HS6ST3: variants seen among roughly 807,000 people sequenced by gnomAD.
HS6ST3 encodes heparan-sulfate 6-O-sulfotransferase 3.
Under a neutral mutation model 36.7 loss-of-function variants are expected in HS6ST3, and 12 were observed. The observed-to-expected ratio is 0.33, with a 90% CI of 0.21 to 0.53. HS6ST3 has a LOEUF of 0.53. Ranked by LOEUF, HS6ST3 falls within the 20% of genes least tolerant of loss-of-function variation. The pLI is 0.95. For missense variants in HS6ST3, 584 were observed against 640.9 expected (o/e 0.91, Z 0.96); for synonymous variants, 240 against 257.5 (o/e 0.93, Z 0.65).
At chr13:96,193,593 T>C (rs111874102) in intron 1 of HS6ST3, among the ~76,000 whole-genome samples, 1,776 of 152,106 alleles carry the variant, frequency 0.012, 37 homozygotes, top group African/African-American at 0.041. Context: ...ATATTTAGGG[T>C]GATACTGATT....
intron 1 of HS6ST3, among the ~76,000 whole-genome samples, chr13:96,213,550 G>A (rs2054409424): frequency 6.7e-6 from 1 of 149,544 alleles, no homozygotes. Flanking sequence ...TTTTTTAGAT[G>A]GAATCTTGTT....
chr13:96,275,041 G>A (rs1400407061), intron 1 of HS6ST3, among the ~76,000 whole-genome samples: 4 of 151,972 alleles, frequency 2.6e-5, no homozygotes, highest in South Asian at 2.1e-4. Flanking sequence ...CATTTTCAGC[G>A]TAAATCTTGG....
chr13:96,490,784 A>G (rs80064315), intron 1 of HS6ST3, among the ~76,000 whole-genome samples: 2 of 152,332 alleles, frequency 1.3e-5, no homozygotes, highest in African/African-American at 4.8e-5. Context: ...GCAGGGTAGT[A>G]GGCAAACTTG....
At chr13:96,419,605 A>G (rs1199862188) in intron 1 of HS6ST3, among the ~76,000 whole-genome samples, 2 of 152,218 alleles carry the variant, frequency 1.3e-5, no homozygotes, top group African/African-American at 4.8e-5. Context: ...TGGGTGGCCT[A>G]AAACAACAGT....
At position 96,832,884 on chromosome 13, in the gene HS6ST3, T is replaced by G; in HGVS notation, c.1102T>G (p.Phe368Val). The part of the protein sequence containing the change: ...RKTQFLFERT[F>V]NLKFISPFTQ... The stretch of plus-strand genomic sequence containing the variant: ...GACACAGTTTCTCTTTGAGAGAACA[T>G]TCAACCTCAAGTTCATCTCCCCCTT... The change falls in exon 2 of 2, where the codon TTC becomes GTC. Residue 368 changes from phenylalanine to valine, a missense_variant. Phe to Val is a conservative substitution (Grantham distance 50). Transcript: ENST00000376705. The G allele has an allele frequency of 6.2e-7, 1 of 1,614,182 alleles. No individual in the cohort carries two copies. Among genetic ancestry groups the G allele is most frequent in the Non-Finnish European group, 8.5e-7 (1 of 1,180,028 alleles).
intron 1 of HS6ST3, among the ~76,000 whole-genome samples, chr13:96,291,844 C>A (rs75026304): frequency 6.6e-6 from 1 of 152,238 alleles, no homozygotes; most frequent in Non-Finnish European, 1.5e-5. Flanking sequence ...ATTCACCATG[C>A]AGGAAGATCC....
intron 1 of HS6ST3, among the ~76,000 whole-genome samples, chr13:96,782,206 T>A (rs758649265): frequency 3.9e-5 from 6 of 152,142 alleles, no homozygotes; most frequent in Non-Finnish European, 5.9e-5. Flanking sequence ...ATTTCCTCTG[T>A]TTATATACGT....
intron 1 of HS6ST3, among the ~76,000 whole-genome samples, chr13:96,324,047 C>G (rs938699306): frequency 1.3e-5 from 2 of 152,068 alleles, no homozygotes. Flanking sequence ...CATTGAGAAG[C>G]TGGATGCTTT....
chr13:96,511,794 G>A (rs553170745), intron 1 of HS6ST3, among the ~76,000 whole-genome samples: 3 of 152,174 alleles, frequency 2.0e-5, no homozygotes, highest in South Asian at 2.1e-4. Context: ...AAGTCCTTCT[G>A]CATTCCTAAG....
intron 1 of HS6ST3, among the ~76,000 whole-genome samples, chr13:96,261,432 A>T (rs2054666170): frequency 6.6e-6 from 1 of 152,120 alleles, no homozygotes; most frequent in Admixed American, 6.6e-5. Flanking sequence ...ACTGTGAATG[A>T]AAAAGGAAAT....
chr13:96,460,279 A>G (rs1347192582), intron 1 of HS6ST3, among the ~76,000 whole-genome samples: 2 of 152,204 alleles, frequency 1.3e-5, no homozygotes, highest in Non-Finnish European at 2.9e-5. Context: ...ATAAGATAGT[A>G]CTGGGAATTT....
At chr13:96,569,532 A>G (rs1376392454) in intron 1 of HS6ST3, among the ~76,000 whole-genome samples, 1 of 152,180 alleles carries the variant, frequency 6.6e-6, no homozygotes, top group African/African-American at 2.4e-5. Context: ...TAAACTTTCT[A>G]TTACTAGAGG....
At chr13:96,598,344 C>A (rs2056409542) in intron 1 of HS6ST3, among the ~76,000 whole-genome samples, 1 of 152,048 alleles carries the variant, frequency 6.6e-6, no homozygotes, top group Non-Finnish European at 1.5e-5. Context: ...TCTATGAGTT[C>A]TTTCATCAGT....
At chr13:96,701,771 G>A (rs1424430312) in intron 1 of HS6ST3, among the ~76,000 whole-genome samples, 1 of 151,974 alleles carries the variant, frequency 6.6e-6, no homozygotes, top group East Asian at 1.9e-4. Flanking sequence ...ACCAGCCTGG[G>A]CAACATGATG....
intron 1 of HS6ST3, among the ~76,000 whole-genome samples, chr13:96,491,904 A>G (rs2055947817): frequency 6.6e-6 from 1 of 152,132 alleles, no homozygotes; most frequent in East Asian, 1.9e-4. Flanking sequence ...CACCCAGAGA[A>G]TGAATGGAGA....
intron 1 of HS6ST3, among the ~76,000 whole-genome samples, chr13:96,161,144 C>T (rs1413683882): frequency 2.0e-5 from 3 of 152,074 alleles, no homozygotes; most frequent in Admixed American, 1.3e-4. Context: ...CTGGGTTCTG[C>T]TTGAAATATG....
At chr13:96,434,218 T>A (rs746185416) in intron 1 of HS6ST3, among the ~76,000 whole-genome samples, 25 of 152,326 alleles carry the variant, frequency 1.6e-4, no homozygotes, top group South Asian at 1.0e-3. Flanking sequence ...CCTCACAGAC[T>A]GATAGTATAC....
chr13:96,680,245 A>T (rs1405312930), intron 1 of HS6ST3, among the ~76,000 whole-genome samples: 2 of 152,060 alleles, frequency 1.3e-5, no homozygotes, highest in African/African-American at 4.8e-5. Flanking sequence ...CTAGGATCCT[A>T]GCCTTGTCAC....
chr13:96,302,513 A>G (rs952246350), intron 1 of HS6ST3, among the ~76,000 whole-genome samples: 5 of 152,222 alleles, frequency 3.3e-5, no homozygotes, highest in African/African-American at 1.2e-4. Flanking sequence ...AATAATTCAC[A>G]AAATTGTATG....
Sources: gnomAD v4.1 joint callset for allele counts (sites outside exome capture counted in the v4.1 genomes callset) on GRCh38, gnomAD v4.1.1 for gene constraint, MANE v1.5 for transcripts, NCBI Gene and HGNC (gene_info 2026-07-23, HGNC 2026-07-21) for gene names.